TRIM7: variants seen among roughly 807,000 people sequenced by gnomAD.
TRIM7 encodes the protein E3 ubiquitin-protein ligase TRIM7.
TRIM7 carries 32 observed loss-of-function variants against 37.9 expected under a neutral mutation model. That is an observed-to-expected ratio of 0.84 (90% CI 0.64 to 1.13). The LOEUF (loss-of-function observed/expected upper bound fraction) is 1.13, where lower values mean the gene tolerates loss of function less well. Ranked by LOEUF, TRIM7 falls within the 50% of genes most tolerant of loss-of-function variation. The pLI is 0.00. For missense variants in TRIM7, 732 were observed against 714.0 expected (o/e 1.03, Z -0.29); for synonymous variants, 351 against 321.3 (o/e 1.09, Z -0.99).
chr5:181,194,948 C>G lies in TRIM7; in HGVS notation c.*218G>C. ...GGCTCTGGCCAAATCCACATGTGACCTCAGGAAGGGAACACCCTCAGGAGT... is the reference window on the plus strand; with the variant it reads ...GGCTCTGGCCAAATCCACATGTGACGTCAGGAAGGGAACACCCTCAGGAGT... On this transcript the variant is annotated 3_prime_UTR_variant, in exon 7 of 7. Transcript: ENST00000274773. The G allele has an allele frequency of 3.7e-6, 2 of 545,954 alleles. No individual in the cohort carries two copies. Among genetic ancestry groups the G allele is most frequent in the East Asian group, 6.4e-5 (2 of 31,240 alleles). The allele number at this position is 545,954 out of a possible 1,614,324, so 33.8% of individuals were successfully genotyped here.
At chr5:181,196,581 G>T (rs1582223433) in intron 6 of TRIM7, 1 of 152,156 alleles carries the variant, frequency 6.6e-6, no homozygotes, top group East Asian at 1.9e-4. Context: ...GCCCGGCATG[G>T]TGTCCTGTGC....
rs886221933 is a variant in TRIM7, at chr5:181,204,824, A to G, written c.287T>C (p.Leu96Pro). The G allele has an allele frequency of 3.6e-6, 5 of 1,379,098 alleles. No homozygotes were observed. In the African/African-American group the frequency reaches 4.6e-5, roughly 13 times the overall value. The allele number at this position is 1,379,098 out of a possible 1,614,324, so 85.4% of individuals were successfully genotyped here. ...CCGCAGGAGCGTGGCCACTGCCGCC[A>G]GCTGCCGGTTGGGCCGCAGCTGACT... The part of the protein sequence containing the change: ...RPSQLRPNRQ[L>P]AAVATLLRRF... The change falls in exon 1 of 7, where the codon CTG (leucine) becomes CCG (proline). Residue 96 changes from leucine (L) to proline (P), a missense_variant. Leu to Pro is a moderately conservative substitution (Grantham distance 98). Coordinates refer to ENST00000274773, the MANE Select transcript of TRIM7 (RefSeq NM_203293.3).
At position 181,199,098 on chromosome 5, in the gene TRIM7, C is replaced by T. The variant is rs548655912; in HGVS notation, c.869G>A (p.Ser290Asn). Residue 290 changes from serine (S) to asparagine (N), a missense_variant, in exon 4 of 7, where the codon AGC becomes AAC. Coordinates refer to ENST00000274773, the MANE Select transcript of TRIM7 (RefSeq NM_203293.3). ...DFLQEFKSTLSRCSNVPGPKP... is the reference protein window; with the variant it reads ...DFLQEFKSTLNRCSNVPGPKP... Reference sequence around the variant, plus strand: ...CAGGAGCTGTGAGGTCACTCACCTGCTCAGCGTGCTTTTGAATTCCTGGAA... The same window carrying T: ...CAGGAGCTGTGAGGTCACTCACCTGTTCAGCGTGCTTTTGAATTCCTGGAA... 6.2e-7 allele frequency: 1 copy of T among 1,614,210 alleles called. No individual in the cohort carries two copies.
In TRIM7 at chr5:181,203,627, G is replaced by T. The variant is rs147644326; in HGVS notation, c.536C>A (p.Ser179Tyr). 6.2e-7 allele frequency: 1 copy of T among 1,612,006 alleles called. No homozygotes were observed. Among genetic ancestry groups the T allele is most frequent in the Admixed American group, 1.7e-5 (1 of 59,328 alleles). The change falls in exon 2 of 7, where the codon TCC becomes TAC. Residue 179 changes from serine (S) to tyrosine (Y), a missense_variant. Coordinates refer to ENST00000274773, the MANE Select transcript of TRIM7 (RefSeq NM_203293.3). ...AVQEAKELLESRLRVLKKELE... is the reference protein window; with the variant it reads ...AVQEAKELLEYRLRVLKKELE... Reference sequence around the variant, plus strand: ...TTCCTTCTTCAAGACCCTCAGCCTGGACTCCAAGAGCTCCTGTAGATGAAG... The same window carrying T: ...TTCCTTCTTCAAGACCCTCAGCCTGTACTCCAAGAGCTCCTGTAGATGAAG...
At chr5:181,203,936 G>A in intron 1 of TRIM7, 1 of 1,158,032 alleles carries the variant, frequency 8.6e-7, no homozygotes, top group Non-Finnish European at 1.1e-6. Flanking sequence ...CCCGTGGCTG[G>A]GAGAGTTGGA....
intron 2 of TRIM7, chr5:181,203,202 T>C: frequency 1.0e-6 from 1 of 956,578 alleles, no homozygotes; most frequent in Non-Finnish European, 1.3e-6. Flanking sequence ...TATCCATGTT[T>C]CTCTGCAGAA....
intron 2 of TRIM7, 102 bp from the exon 3 acceptor site, chr5:181,200,183 T>C (rs754445437): frequency 6.2e-7 from 1 of 1,600,038 alleles, no homozygotes; most frequent in Admixed American, 1.7e-5. Context: ...TCCCTGTCAC[T>C]GCTGGAGGAT....
chr5:181,198,494 G>C (rs2770939), intron 5 of TRIM7, among the ~76,000 whole-genome samples, 196 bp downstream of exon 5: 38,915 of 152,070 alleles, frequency 0.26, 10,563 homozygotes, highest in African/African-American at 0.69. Context: ...CCCCATCTGT[G>C]CCCATGAGAA....
intron 1 of TRIM7, 44 bp downstream of exon 1, chr5:181,204,545 A>G (rs760246608): frequency 1.5e-5 from 18 of 1,201,060 alleles, no homozygotes; most frequent in African/African-American, 7.2e-5. Context: ...GGACCAAGTC[A>G]GGGGGTCCCG....
chr5:181,204,258 A>C, intron 1 of TRIM7: 2 of 1,071,772 alleles, frequency 1.9e-6, no homozygotes, highest in East Asian at 6.0e-5. Context: ...TCCCGCGGGC[A>C]GAGAGCTGCG....
At chr5:181,199,538 T>G (rs958478919) in intron 3 of TRIM7, 9 of 389,080 alleles carry the variant, frequency 2.3e-5, no homozygotes, top group Non-Finnish European at 1.8e-5. Flanking sequence ...TGTTTATAAC[T>G]TTTTTTTTAG....
chr5:181,195,860 CCCCGA>C, intron 6 of TRIM7, 183 bp from the exon 7 acceptor site: 1 of 647,306 alleles, frequency 1.5e-6, no homozygotes, highest in East Asian at 3.1e-5. Flanking sequence ...CTTCCCCCCG[CCCCGA>C]CCACTCAACA....
rs1242036496 is a variant in TRIM7, at chr5:181,204,664, G to C, written c.447C>G (p.Cys149Trp). ...LYCQDDGRAI[C>W]VVCDRAREHR... ...GCTCGCGGGCGCGGTCGCACACCAC[G>C]CAGATGGCGCGTCCGTCGTCCTGGC... Residue 149 changes from cysteine (C) to tryptophan (W), a missense_variant, in exon 1 of 7, where the codon TGC becomes TGG. Physicochemically the swap from Cys to Trp is radical, Grantham distance 215. Transcript: ENST00000274773. The C allele has an allele frequency of 2.0e-6, 3 of 1,513,768 alleles. No homozygotes were observed. The Admixed American group carries it at 6.2e-5, about 31-fold the overall frequency. 93.8% of individuals were successfully genotyped at this position (1,513,768 alleles called of 1,614,324 possible).
In TRIM7 at chr5:181,205,133, T is replaced by C. The variant is rs1159271861; in HGVS notation, c.-23A>G. 3.9e-5 allele frequency: 51 copies of C among 1,292,220 alleles called. No homozygotes were observed. Among genetic ancestry groups the C allele is most frequent in the Non-Finnish European group, 4.9e-5 (50 of 1,020,428 alleles). 80.0% of individuals were successfully genotyped at this position (1,292,220 alleles called of 1,614,324 possible). A position where few individuals can be genotyped will look rare whatever the true frequency, so the allele number is the denominator to read the frequency against. On this transcript the variant is annotated 5_prime_UTR_variant, in exon 1 of 7. Transcript: ENST00000274773. Reference sequence around the variant, plus strand: ...CATGCGCGCTCTCCGCGCACCCAGATCTGGTCGCGCCTGGGCGGCCACTGG... The same window carrying C: ...CATGCGCGCTCTCCGCGCACCCAGACCTGGTCGCGCCTGGGCGGCCACTGG...
rs946766212 is a variant in TRIM7, at chr5:181,195,111, G to C, written c.*55C>G. ...AAGACGGACCAGGCATCTCTGGGGA[G>C]GCGACATCCCCTCCCACCGGCAGCC... On this transcript the variant is annotated 3_prime_UTR_variant, in exon 7 of 7. Coordinates refer to ENST00000274773, the MANE Select transcript of TRIM7 (RefSeq NM_203293.3). The C allele has an allele frequency of 5.8e-6, 9 of 1,545,892 alleles. No homozygotes were observed. The Middle Eastern group carries it at 9.7e-4, about 167-fold the overall frequency.
At position 181,203,536 on chromosome 5, in the gene TRIM7, C is replaced by T. The variant is rs768910200; in HGVS notation, c.618+9G>A. ...TGTCCCACGGGGGGCCTGCGGGTGCCTGGCTCACCAGCAGCTCCTTGCTCT... is the reference window on the plus strand; with the variant it reads ...TGTCCCACGGGGGGCCTGCGGGTGCTTGGCTCACCAGCAGCTCCTTGCTCT... On this transcript the variant is annotated intron_variant, in intron 2 of 6. Coordinates refer to ENST00000274773, the MANE Select transcript of TRIM7 (RefSeq NM_203293.3). The T allele has an allele frequency of 1.9e-6, 3 of 1,614,046 alleles. No individual in the cohort carries two copies. In the East Asian group the frequency reaches 6.7e-5, roughly 36 times the overall value.
At chr5:181,197,940 ATC>A (rs545071028) in intron 6 of TRIM7, 72 of 545,372 alleles carry the variant, frequency 1.3e-4, no homozygotes, top group African/African-American at 1.3e-3. Flanking sequence ...CAGTCTGAGT[ATC>A]TCGAGGTACA....
Position 181,195,532 on chromosome 5 carries a change from G to A in TRIM7, c.1170C>T (p.Cys390=). The change falls in exon 7 of 7, where the codon TGC becomes TGT. Residue 390 remains cysteine, a synonymous_variant. Coordinates refer to ENST00000274773, the MANE Select transcript of TRIM7 (RefSeq NM_203293.3). Reference sequence around the variant, plus strand: ...AGTGATGCCGGCCCGAGGAGAAGCCGCAGGACGCCAGGACGCGGGTGTTGG... The same window carrying A: ...AGTGATGCCGGCCCGAGGAGAAGCCACAGGACGCCAGGACGCGGGTGTTGG... ...FDTNTRVLAS[C]GFSSGRHHWE... is the part of the protein sequence containing the mutation. 2 of 1,612,556 alleles carry A rather than the reference G, an allele frequency of 1.2e-6. No homozygotes were observed. Among genetic ancestry groups the A allele is most frequent in the South Asian group, 1.1e-5 (1 of 91,032 alleles).
At chr5:181,199,525 A>G (rs1241867482) in intron 3 of TRIM7, 4 of 467,876 alleles carry the variant, frequency 8.5e-6, no homozygotes, top group East Asian at 4.0e-5. Context: ...AAGTTTATCT[A>G]GTTGTTTATA....
Sources: allele counts gnomAD v4.1 joint callset (sites outside exome capture counted in the v4.1 genomes callset), GRCh38; gene constraint gnomAD v4.1.1; transcripts MANE v1.5; gene names NCBI Gene and HGNC (gene_info 2026-07-23, HGNC 2026-07-21).